Variants in NREP observed in about 807,000 individuals in gnomAD.
NREP encodes the protein neuronal regeneration related protein.
In NREP, 5 loss-of-function variants were observed where a neutral mutation model predicts 8.6. The observed-to-expected ratio is 0.58, with a 90% CI of 0.30 to 1.22. The LOEUF (loss-of-function observed/expected upper bound fraction) is 1.22, where lower values mean the gene tolerates loss of function less well. NREP is among the 50% of genes most tolerant of loss of function. The probability of loss-of-function intolerance (pLI) is 0.07; values close to 1 mark genes in which losing one functional copy is unlikely to be tolerated. For synonymous variants in NREP, 27 were observed against 28.0 expected (o/e 0.96, Z 0.11); for missense variants, 86 against 82.5 (o/e 1.04, Z -0.17).
At chr5:111,823,631 T>C (rs1752558541) in intron 2 of NREP, among the ~76,000 whole-genome samples, 2 of 152,242 alleles carry the variant, frequency 1.3e-5, no homozygotes, top group Admixed American at 6.5e-5. Flanking sequence ...TTGTCTATAA[T>C]TTTATTATTA....
intron 2 of NREP, among the ~76,000 whole-genome samples, chr5:111,943,305 C>G (rs928958687): frequency 6.6e-6 from 1 of 152,050 alleles, no homozygotes; most frequent in Non-Finnish European, 1.5e-5. Flanking sequence ...TGCCTGAACT[C>G]TCATAGGCAC....
intron 2 of NREP, among the ~76,000 whole-genome samples, chr5:111,846,728 T>C (rs1753185481): frequency 6.6e-6 from 1 of 152,176 alleles, no homozygotes; most frequent in African/African-American, 2.4e-5. Flanking sequence ...GCTCTGCATC[T>C]GTCTGGCTTC....
At chr5:111,816,886 G>T (rs1309925894) in intron 2 of NREP, among the ~76,000 whole-genome samples, 3 of 151,658 alleles carry the variant, frequency 2.0e-5, no homozygotes, top group African/African-American at 7.3e-5. Context: ...GAAAGTAAAA[G>T]GATGGAAAAA....
chr5:111,968,185 T>G (rs1359316766), intron 2 of NREP, among the ~76,000 whole-genome samples: 1 of 151,996 alleles, frequency 6.6e-6, no homozygotes. Flanking sequence ...ACCAAGTAAA[T>G]TAGGGAGATA....
chr5:111,851,525 C>T (rs374212971), intron 2 of NREP, among the ~76,000 whole-genome samples: 230 of 152,138 alleles, frequency 1.5e-3, no homozygotes, highest in African/African-American at 4.7e-3. Context: ...TTTCTTTATC[C>T]GTTGATCTGT....
At chr5:111,958,568 T>C (rs1756392814) in intron 2 of NREP, among the ~76,000 whole-genome samples, 1 of 151,968 alleles carries the variant, frequency 6.6e-6, no homozygotes, top group South Asian at 2.1e-4. Flanking sequence ...TTCAAAATAT[T>C]AACAACTCAG....
chr5:111,902,278 C>T (rs941460395), intron 2 of NREP, among the ~76,000 whole-genome samples: 7 of 152,004 alleles, frequency 4.6e-5, no homozygotes, highest in Non-Finnish European at 8.8e-5. Context: ...CTATCTCTCG[C>T]CATCCACAAA....
intron 2 of NREP, among the ~76,000 whole-genome samples, chr5:111,790,471 G>A (rs1751717587): frequency 7.3e-6 from 1 of 136,750 alleles, no homozygotes; most frequent in African/African-American, 2.7e-5. Context: ...GTTCAGGAAT[G>A]TTTACCTACT....
At chr5:111,760,875 A>T (rs182631928), upstream of NREP, among the ~76,000 whole-genome samples, 1 of 152,316 alleles carries the variant, frequency 6.6e-6, no homozygotes, top group Admixed American at 6.5e-5. Context: ...TAGACACAGG[A>T]TTTTTCTTCT....
At chr5:111,937,726 C>T (rs1207133774) in intron 2 of NREP, among the ~76,000 whole-genome samples, 1 of 152,036 alleles carries the variant, frequency 6.6e-6, no homozygotes, top group Non-Finnish European at 1.5e-5. Context: ...GGTACTTTTC[C>T]AGGCTTCTCT....
At chr5:111,731,478 A>AATC (rs901582427) in intron 3 of NREP, among the ~76,000 whole-genome samples, 1 of 151,520 alleles carries the variant, frequency 6.6e-6, no homozygotes, top group Non-Finnish European at 1.5e-5. Context: ...ACGGGTTAAC[A>AATC]ATCTATTTTC....
intron 2 of NREP, among the ~76,000 whole-genome samples, chr5:111,921,394 A>T (rs1048018876): frequency 1.2e-4 from 19 of 152,040 alleles, no homozygotes; most frequent in African/African-American, 4.6e-4. Flanking sequence ...TGACTCTGAC[A>T]GTTGTCATAT....
chr5:111,856,491 T>C lies in NREP; in HGVS notation c.135+118783A>G, dbSNP rs371029526. 2.6e-5 allele frequency among the ~76,000 whole-genome samples: 4 copies of C among 152,168 alleles called. No individual in the cohort carries two copies. The South Asian group carries it at 8.3e-4, about 32-fold the overall frequency. On this transcript the variant is annotated intron_variant, in intron 2 of 3. Transcript: ENST00000395634. ...TTGGACTTTGGTGTTCTGTATAAAG[T>C]ACTGTGTTCGAAGCAGTATGATGGG... is the stretch of plus-strand genomic sequence containing the variant.
intron 2 of NREP, among the ~76,000 whole-genome samples, chr5:111,833,719 C>T (rs559469043): frequency 6.6e-6 from 1 of 152,236 alleles, no homozygotes; most frequent in East Asian, 1.9e-4. Context: ...TGGTCCCAGC[C>T]TCTGTCAGTA....
At chr5:111,905,790 A>G (rs1196860329) in intron 2 of NREP, among the ~76,000 whole-genome samples, 3 of 152,140 alleles carry the variant, frequency 2.0e-5, no homozygotes, top group African/African-American at 4.8e-5. Flanking sequence ...ATTTTTATAT[A>G]TGACTTTTTA....
rs900282257 is a variant in NREP at position 111,937,102 on chromosome 5, A to C, written c.135+38172T>G. On this transcript the variant is annotated intron_variant, in intron 2 of 3. Transcript: ENST00000395634. Reference sequence around the variant, plus strand: ...TCCCTTCAGGAGAACAGCACCTTTCACCTTCAGAGGAGAGGGATCTTACCT... The same window carrying C: ...TCCCTTCAGGAGAACAGCACCTTTCCCCTTCAGAGGAGAGGGATCTTACCT... 8.5e-5 allele frequency among the ~76,000 whole-genome samples: 13 copies of C among 152,134 alleles called. 1 individual carries two copies. The highest frequency in any genetic ancestry group is 7.2e-4 in the Admixed American group (11 of 15,260).
intron 2 of NREP, among the ~76,000 whole-genome samples, chr5:111,795,130 T>G (rs1751847000): frequency 6.6e-6 from 1 of 152,242 alleles, no homozygotes; most frequent in South Asian, 2.1e-4. Context: ...GACATTGATA[T>G]TCTTCCATAT....
At chr5:111,768,108 T>C (rs938689608) in intron 2 of NREP, among the ~76,000 whole-genome samples, 7 of 151,940 alleles carry the variant, frequency 4.6e-5, no homozygotes, top group African/African-American at 1.7e-4. Flanking sequence ...ATATTACAAA[T>C]CAGGTTTTGT....
At chr5:111,939,413 T>A (rs1031809530) in intron 2 of NREP, among the ~76,000 whole-genome samples, 3 of 151,952 alleles carry the variant, frequency 2.0e-5, no homozygotes, top group African/African-American at 4.8e-5. Context: ...GCAATCAGCA[T>A]TTTTTCCCAG....
Sources: allele counts gnomAD v4.1 joint callset (sites outside exome capture counted in the v4.1 genomes callset), GRCh38; gene constraint gnomAD v4.1.1; transcripts MANE v1.5; gene names NCBI Gene and HGNC (gene_info 2026-07-23, HGNC 2026-07-21).